Variants in DPP6 observed in about 807,000 individuals in gnomAD.
The protein encoded by DPP6 is dipeptidyl peptidase like 6.
In DPP6, 69 loss-of-function variants were observed where a neutral mutation model predicts 122.6. The observed-to-expected ratio is 0.56, with a 90% CI of 0.46 to 0.69. DPP6 has a LOEUF of 0.69. Among genes scored for constraint, DPP6 ranks in the 30% least tolerant of loss-of-function variants. DPP6 has a pLI of 0.00. For synonymous variants in DPP6, 418 were observed against 433.1 expected, an observed-to-expected ratio of 0.97 and a Z score of 0.43; for missense variants, 928 against 1,116.9, an observed-to-expected ratio of 0.83 and a Z score of 2.41.
rs868474363 is a variant in DPP6, at chr7:154,063,354, T to C, written c.243+10291T>C. Among the ~76,000 whole-genome samples the C allele has an allele frequency of 1.6e-3, 151 of 96,064 alleles. 16 individuals are homozygous for C. The highest frequency in any genetic ancestry group is 0.011 in the East Asian group (31 of 2,788). The allele number at this position is 96,064 out of a possible 152,430, so 63.0% of individuals were successfully genotyped here. A position where few individuals can be genotyped will look rare whatever the true frequency, so the allele number is the denominator to read the frequency against. ...TCCCTCTGGCTCTTAGGAACCCCATTGCAGGAGGGTGTGGCACCCCCCACG... is the reference window on the plus strand; with the variant it reads ...TCCCTCTGGCTCTTAGGAACCCCATCGCAGGAGGGTGTGGCACCCCCCACG... On this transcript the variant is annotated intron_variant, in intron 1 of 25. Transcript: ENST00000377770.
At chr7:154,239,607 T>G (rs944015770) in intron 1 of DPP6, among the ~76,000 whole-genome samples, 4 of 152,110 alleles carry the variant, frequency 2.6e-5, no homozygotes, top group African/African-American at 9.7e-5. Flanking sequence ...GTTCATCGAC[T>G]GTTTATATCA....
At chr7:153,787,405 C>T in the DPP6 span, among the ~76,000 whole-genome samples, 23 of 146,656 alleles carry the variant, frequency 1.6e-4, no homozygotes, top group African/African-American at 5.9e-4. Flanking sequence ...GTTCTTTGTA[C>T]CTGCAATGTG....
At chr7:153,871,457 G>A in the DPP6 span, among the ~76,000 whole-genome samples, 141 of 152,284 alleles carry the variant, frequency 9.3e-4, no homozygotes, top group Non-Finnish European at 5.9e-4. Flanking sequence ...AGCCAAGTGC[G>A]GGATATAATC....
chr7:154,060,384 C>G (rs1585267052), intron 1 of DPP6, among the ~76,000 whole-genome samples: 2 of 111,778 alleles, frequency 1.8e-5, no homozygotes, highest in African/African-American at 7.5e-5. Flanking sequence ...GGTTCCCCCA[C>G]TGGCTCTTAG....
chr7:154,804,632 C>T (rs1798578243), intron 14 of DPP6, among the ~76,000 whole-genome samples: 1 of 152,222 alleles, frequency 6.6e-6, no homozygotes, highest in Non-Finnish European at 1.5e-5. Context: ...CATCCACATT[C>T]AGGTGTGTGT....
At chr7:154,278,555 C>T (rs560383188) in intron 1 of DPP6, among the ~76,000 whole-genome samples, 1 of 152,158 alleles carries the variant, frequency 6.6e-6, no homozygotes, top group Non-Finnish European at 1.5e-5. Context: ...AAAATACATG[C>T]AAATAAAAAT....
intron 3 of DPP6, among the ~76,000 whole-genome samples, chr7:154,517,803 A>C (rs1410600341): frequency 6.6e-6 from 1 of 152,192 alleles, no homozygotes; most frequent in Non-Finnish European, 1.5e-5. Flanking sequence ...AAAAAATGAA[A>C]CCAACAGAAC....
At chr7:153,988,972 G>C (rs1413908452) in intron 1 of DPP6, among the ~76,000 whole-genome samples, 11 of 150,560 alleles carry the variant, frequency 7.3e-5, no homozygotes, top group African/African-American at 2.7e-4. Context: ...GGATTTCTCC[G>C]CGCAGAAAAA....
At chr7:154,485,211 G>A (rs367801125) in intron 3 of DPP6, among the ~76,000 whole-genome samples, 23 of 152,118 alleles carry the variant, frequency 1.5e-4, no homozygotes, top group African/African-American at 5.3e-4. Context: ...GTTCTCCCAC[G>A]GCTCTGAGAG....
chr7:154,305,569 G>A, intron 1 of DPP6: 1 of 1,590,722 alleles, frequency 6.3e-7, no homozygotes, highest in South Asian at 1.1e-5. Flanking sequence ...TGCTTTTGGG[G>A]GTCCGTGTGT....
chr7:154,018,219 A>C (rs2533837), intron 1 of DPP6, among the ~76,000 whole-genome samples: 97,887 of 151,066 alleles, frequency 0.65, 33,997 homozygotes, highest in African/African-American at 0.91. Context: ...CTTTCTTTGG[A>C]ATTGATCATG....
At chr7:154,219,582 T>C (rs1800187880) in intron 1 of DPP6, among the ~76,000 whole-genome samples, 1 of 147,590 alleles carries the variant, frequency 6.8e-6, no homozygotes, top group Non-Finnish European at 1.5e-5. Flanking sequence ...GCTTGCCTAC[T>C]TTTTTTTTTT....
At chr7:154,239,884 G>C (rs145417362) in intron 1 of DPP6, among the ~76,000 whole-genome samples, 1,819 of 150,500 alleles carry the variant, frequency 0.012, 37 homozygotes, top group African/African-American at 0.042. Flanking sequence ...CCTAGCTACT[G>C]AGGTGGCTGA....
intron 1 of DPP6, among the ~76,000 whole-genome samples, chr7:153,991,188 G>A (rs944146666): frequency 6.6e-6 from 1 of 152,068 alleles, no homozygotes; most frequent in African/African-American, 2.4e-5. Flanking sequence ...CCGGCTTTTG[G>A]AAGCAGATAG....
At chr7:154,868,766 G>GGCCCCGTGT (rs1804112995) in intron 18 of DPP6, among the ~76,000 whole-genome samples, 1 of 152,316 alleles carries the variant, frequency 6.6e-6, no homozygotes, top group African/African-American at 2.4e-5. Context: ...TCACCCGGCT[G>GGCCCCGTGT]GCCCCGTGTC....
intron 1 of DPP6, among the ~76,000 whole-genome samples, chr7:154,063,883 A>G (rs925090727): frequency 6.6e-6 from 1 of 151,584 alleles, no homozygotes; most frequent in African/African-American, 2.4e-5. Flanking sequence ...ACAGTGAAGG[A>G]GAATCATGTC....
intron 10 of DPP6, among the ~76,000 whole-genome samples, chr7:154,791,382 G>A (rs1296007017): frequency 5.3e-5 from 8 of 152,308 alleles, no homozygotes; most frequent in Middle Eastern, 3.4e-3. Flanking sequence ...GGTGGAAGAC[G>A]AAAGAAGGGC....
intron 7 of DPP6, among the ~76,000 whole-genome samples, chr7:154,677,738 G>A (rs931217358): frequency 1.3e-5 from 2 of 152,230 alleles, no homozygotes; most frequent in Admixed American, 1.3e-4. Flanking sequence ...CAGAGCCAGC[G>A]TGAGGGCAGG....
At chr7:154,235,273 T>C (rs2150860065) in intron 1 of DPP6, among the ~76,000 whole-genome samples, 1 of 152,316 alleles carries the variant, frequency 6.6e-6, no homozygotes, top group Admixed American at 6.5e-5. Context: ...TATCATATCG[T>C]GTGTGTTTTC....
Sources: allele counts gnomAD v4.1 joint callset (sites outside exome capture counted in the v4.1 genomes callset), GRCh38; gene constraint gnomAD v4.1.1; transcripts MANE v1.5; gene names NCBI Gene and HGNC (gene_info 2026-07-23, HGNC 2026-07-21).